EPHB2: variants seen among roughly 807,000 people sequenced by gnomAD.
EPHB2 encodes the protein EPH receptor B2.
Under a neutral mutation model 96.4 loss-of-function variants are expected in EPHB2, and 18 were observed. The ratio of observed to expected loss-of-function variants is 0.19; its 90% CI spans 0.13 to 0.28. The LOEUF is 0.28. Among genes scored for constraint, EPHB2 ranks in the 10% least tolerant of loss-of-function variants. EPHB2 has a pLI of 1.00. For missense variants in EPHB2, 989 were observed against 1,355.4 expected (o/e 0.73, Z 4.25); for synonymous variants, 506 against 534.1 (o/e 0.95, Z 0.72).
chr1:22,769,656 C>T (rs924243416), intron 1 of EPHB2, among the ~76,000 whole-genome samples: 4 of 152,182 alleles, frequency 2.6e-5, no homozygotes, highest in Non-Finnish European at 5.9e-5. Flanking sequence ...GATTCACCCA[C>T]CTCAGCCTCC....
At chr1:22,724,788 C>G (rs138289766) in intron 1 of EPHB2, among the ~76,000 whole-genome samples, 1 of 152,108 alleles carries the variant, frequency 6.6e-6, no homozygotes, top group Non-Finnish European at 1.5e-5. Context: ...TTATAGAGTC[C>G]GGTGGACTTG....
At chr1:22,714,823 G>C (rs1297469323) in intron 1 of EPHB2, among the ~76,000 whole-genome samples, 1 of 152,232 alleles carries the variant, frequency 6.6e-6, no homozygotes, top group Non-Finnish European at 1.5e-5. Context: ...TGTGTCCACA[G>C]TTCTGGTCTG....
In EPHB2 at chr1:22,790,727, G is replaced by T. The variant is rs559118695; in HGVS notation, c.811+5651G>T. Among the ~76,000 whole-genome samples, 7 of 152,220 alleles carry T rather than the reference G, an allele frequency of 4.6e-5. No homozygotes were observed. Among genetic ancestry groups the T allele is most frequent in the Non-Finnish European group, 1.0e-4 (7 of 68,042 alleles). On this transcript the variant is annotated intron_variant, in intron 3 of 15. Coordinates refer to ENST00000374630, the MANE Select transcript of EPHB2 (RefSeq NM_017449.5). This position sits in a 1 kb window ranked among gnomAD's most constrained non-coding sequence, Gnocchi z 4.0. ...CTGCGAGGGATCTGGAGGCAGTTCCGCAGTGAGCATGATTGCTGCGATGCT... is the reference window on the plus strand; with the variant it reads ...CTGCGAGGGATCTGGAGGCAGTTCCTCAGTGAGCATGATTGCTGCGATGCT...
Position 22,784,314 on chromosome 1 carries a change from C to G in EPHB2, c.127-78C>G. The G allele has an allele frequency of 7.1e-7, 1 of 1,415,966 alleles. No homozygotes were observed. Among genetic ancestry groups the G allele is most frequent in the Non-Finnish European group, 9.9e-7 (1 of 1,007,112 alleles). The allele number at this position is 1,415,966 out of a possible 1,614,324, so 87.7% of individuals were successfully genotyped here. The stretch of plus-strand genomic sequence containing the variant: ...ACTGGAGGGTTCCCTAAGGCAGAGT[C>G]TGTGTCTTCCACCTTAGACTGAGTG... On this transcript the variant is annotated intron_variant, in intron 2 of 15. Transcript: ENST00000374630. This position sits in a 1 kb window ranked among gnomAD's most constrained non-coding sequence, Gnocchi z 5.1.
chr1:22,918,407 G>A lies in EPHB2; in HGVS notation c.*4837G>A, dbSNP rs1640320952. The A allele has an allele frequency of 2.0e-5, 3 of 152,218 alleles. No homozygotes were observed. Among genetic ancestry groups the A allele is most frequent in the Admixed American group, 2.0e-4 (3 of 15,284 alleles). 9.4% of individuals were successfully genotyped at this position (152,218 alleles called of 1,614,324 possible). On this transcript the variant is annotated 3_prime_UTR_variant, in exon 16 of 16. Transcript: ENST00000374630. This position sits in a 1 kb window ranked among gnomAD's most constrained non-coding sequence, Gnocchi z 4.2. ...ACACCAAAGGAGCTGAGCCTGGCGG[G>A]GGCGGGCGTGCGGGTGGGCATGAGA...
chr1:22,910,124 G>A (rs907735151), intron 13 of EPHB2, among the ~76,000 whole-genome samples: 2 of 152,112 alleles, frequency 1.3e-5, no homozygotes, highest in African/African-American at 4.8e-5. Flanking sequence ...ACCCTGGGGA[G>A]AAGCTATCTC....
chr1:22,758,666 C>T (rs1330042753), intron 1 of EPHB2, among the ~76,000 whole-genome samples: 1 of 151,694 alleles, frequency 6.6e-6, no homozygotes, highest in Non-Finnish European at 1.5e-5. Flanking sequence ...TCTTTCCCTG[C>T]ATGATCAGGT....
At chr1:22,752,022 C>G (rs1326783745) in intron 1 of EPHB2, among the ~76,000 whole-genome samples, 2 of 152,222 alleles carry the variant, frequency 1.3e-5, no homozygotes, top group Non-Finnish European at 2.9e-5. Context: ...TTCACTAGTT[C>G]CGTGTGGCCT....
At chr1:22,898,852 A>T (rs971123512) in intron 9 of EPHB2, among the ~76,000 whole-genome samples, 3 of 152,228 alleles carry the variant, frequency 2.0e-5, no homozygotes, top group African/African-American at 7.2e-5. Flanking sequence ...AGCAGAGTCT[A>T]GGAGCTCCAG....
intron 9 of EPHB2, among the ~76,000 whole-genome samples, chr1:22,902,160 A>G (rs1639773008): frequency 6.6e-6 from 1 of 152,182 alleles, no homozygotes. Flanking sequence ...TCCTCGTCTG[A>G]AAAACAGGCA....
rs558562549 is a variant in EPHB2 at position 22,902,439 on chromosome 1, G to T, written c.1766-3548G>T. ...CCAGAGCCAACATTCTAAAGCAAGGGCTTATAGCTTTGGGTCTAAAGACCC... is the reference window on the plus strand; with the variant it reads ...CCAGAGCCAACATTCTAAAGCAAGGTCTTATAGCTTTGGGTCTAAAGACCC... On this transcript the variant is annotated intron_variant, in intron 9 of 15. Coordinates refer to ENST00000374630, the MANE Select transcript of EPHB2 (RefSeq NM_017449.5). 2.0e-5 allele frequency among the ~76,000 whole-genome samples: 3 copies of T among 152,232 alleles called. No individual in the cohort carries two copies. The East Asian group carries it at 5.8e-4, about 29-fold the overall frequency.
chr1:22,732,251 T>G (rs1643733754), intron 1 of EPHB2, among the ~76,000 whole-genome samples: 1 of 151,724 alleles, frequency 6.6e-6, no homozygotes, highest in Non-Finnish European at 1.5e-5. Flanking sequence ...GGCTCCCTTC[T>G]GCCCAGATGT....
chr1:22,875,639 C>A lies in EPHB2; in HGVS notation c.1304-6720C>A, dbSNP rs1638814955. Among the ~76,000 whole-genome samples, 1 of 152,126 alleles carries A rather than the reference C, an allele frequency of 6.6e-6. No homozygotes were observed. Among genetic ancestry groups the A allele is most frequent in the Non-Finnish European group, 1.5e-5 (1 of 68,038 alleles). On this transcript the variant is annotated intron_variant, in intron 5 of 15. Transcript: ENST00000374630. This position sits in a 1 kb window ranked among gnomAD's most constrained non-coding sequence, Gnocchi z 4.2. ...TTCCTCCTTCCTTCCTCACTTTCTC[C>A]CTTCCTTCCTCCTTCCTGTCTTCGT... is the stretch of plus-strand genomic sequence containing the variant.
intron 1 of EPHB2, among the ~76,000 whole-genome samples, chr1:22,750,686 T>G (rs777119466): frequency 2.0e-5 from 3 of 152,264 alleles, no homozygotes; most frequent in Non-Finnish European, 4.4e-5. Flanking sequence ...CAGGACATCA[T>G]CTTGTTTTCA....
chr1:22,873,644 A>G (rs1638743373), intron 5 of EPHB2, among the ~76,000 whole-genome samples: 1 of 152,170 alleles, frequency 6.6e-6, no homozygotes. Context: ...AGCGTGTCAG[A>G]AGATAGGAGT....
chr1:22,840,898 T>C (rs1301737466), intron 3 of EPHB2, among the ~76,000 whole-genome samples: 2 of 152,190 alleles, frequency 1.3e-5, no homozygotes, highest in Admixed American at 1.3e-4. Context: ...ATTACCCTCA[T>C]TTATCATATA....
chr1:22,763,003 G>A (rs1644256079), intron 1 of EPHB2, among the ~76,000 whole-genome samples: 1 of 152,116 alleles, frequency 6.6e-6, no homozygotes, highest in Non-Finnish European at 1.5e-5. Context: ...AGGCAGACAA[G>A]GGGGCACGAT....
At chr1:22,892,492 G>T (rs889121768) in intron 6 of EPHB2, among the ~76,000 whole-genome samples, 3 of 152,120 alleles carry the variant, frequency 2.0e-5, no homozygotes, top group African/African-American at 7.2e-5. Context: ...TTGGGTCATG[G>T]TCTCCTCCTG....
chr1:22,760,199 G>A (rs1440062077), intron 1 of EPHB2, among the ~76,000 whole-genome samples: 1 of 152,050 alleles, frequency 6.6e-6, no homozygotes, highest in East Asian at 1.9e-4. Context: ...GGTGGAGGTG[G>A]GGCACTCAGA....
Sources: allele counts gnomAD v4.1 joint callset (sites outside exome capture counted in the v4.1 genomes callset), GRCh38; gene constraint gnomAD v4.1.1; non-coding constraint Gnocchi (gnomAD v3.1); transcripts MANE v1.5; gene names NCBI Gene and HGNC (gene_info 2026-07-23, HGNC 2026-07-21).